Variants in LARS1 observed in about 807,000 individuals in gnomAD.
LARS1 encodes the protein leucyl-tRNA synthetase 1, also known as leucine--tRNA ligase, cytoplasmic.
In LARS1, 100 loss-of-function variants were observed where a neutral mutation model predicts 162.8. The ratio of observed to expected loss-of-function variants is 0.61; its 90% CI spans 0.52 to 0.73. The LOEUF (loss-of-function observed/expected upper bound fraction) is 0.73. LARS1 is among the 30% of genes least tolerant of loss of function. The pLI, the probability that LARS1 is intolerant of heterozygous loss-of-function variation, is 0.00. For missense variants in LARS1, 1,258 were observed against 1,408.9 expected, an observed-to-expected ratio of 0.89 and a Z score of 1.71; for synonymous variants, 457 against 462.8, an observed-to-expected ratio of 0.99 and a Z score of 0.16.
Position 146,172,692 on chromosome 5 carries a change from A to G in LARS1, c.208T>C (p.Cys70Arg). 2 of 1,562,278 alleles carry G rather than the reference A, an allele frequency of 1.3e-6. No individual in the cohort carries two copies. The highest frequency in any genetic ancestry group is 1.7e-6 in the Non-Finnish European group (2 of 1,150,110). The change falls in exon 3 of 32, where the codon TGT (cysteine) becomes CGT (arginine). Residue 70 changes from cysteine (C) to arginine (R), a missense_variant. By Grantham distance (180) the Cys-to-Arg change is radical. Transcript: ENST00000394434. ...CAAACATAGGGAAACATTACCTCAC[A>G]TTTGGATAAAGAAAACGTGTGTCCC... ...HLGHTFSLSK[C>R]EFAVGYQRLK...
intron 1 of LARS1, chr5:146,181,125 G>C (rs571331304): frequency 6.6e-6 from 1 of 151,640 alleles, no homozygotes; most frequent in Non-Finnish European, 1.5e-5. Context: ...AGGCCGAGGC[G>C]GGCAGATCAC....
chr5:146,157,418 C>T lies in LARS1; in HGVS notation c.1050G>A (p.Lys350=). 1 of 1,613,808 alleles carries T rather than the reference C, an allele frequency of 6.2e-7. No individual in the cohort carries two copies. Among genetic ancestry groups the T allele is most frequent in the Non-Finnish European group, 8.5e-7 (1 of 1,179,924 alleles). Residue 350 remains lysine (K), a synonymous_variant, in exon 10 of 32, where the codon AAG becomes AAA. Transcript: ENST00000394434. ...TKDNGVVPVV[K]ELMGEEILGA... ...TCCAACTTACCTCCCCCATTAATTC[C>T]TTAACAACAGGCACCACGCCATTGT... is the stretch of plus-strand genomic sequence containing the variant.
At chr5:146,144,803 C>G (rs2126487083) in intron 15 of LARS1, 94 bp from the exon 16 acceptor site, 10 of 1,081,380 alleles carry the variant, frequency 9.2e-6, no homozygotes, top group Non-Finnish European at 1.2e-5. Flanking sequence ...TGCTATACCA[C>G]CAATAACTGA....
rs896145278 is a variant in LARS1 at position 146,157,723 on chromosome 5, C to A, written c.839+5G>T. On this transcript the variant is annotated splice_donor_5th_base_variant and intron_variant, in intron 9 of 31. Transcript: ENST00000394434. ...ATGATAAAGCAATTACTCTGGCAAA[C>A]CTACCTTAATTTAGATGGGTATGGC... 2.5e-6 allele frequency: 4 copies of A among 1,613,910 alleles called. No homozygotes were observed. The African/African-American group carries it at 5.3e-5, about 22-fold the overall frequency.
intron 5 of LARS1, 67 bp from the exon 6 acceptor site, chr5:146,164,538 A>T (rs1753916668): frequency 5.6e-6 from 8 of 1,428,048 alleles, no homozygotes; most frequent in Non-Finnish European, 7.8e-6. Context: ...ATGACCCAAG[A>T]TATTAATGAA....
chr5:146,166,262 GATGAGGGA>G (rs1381191334), intron 5 of LARS1, among the ~76,000 whole-genome samples: 1 of 152,172 alleles, frequency 6.6e-6, no homozygotes, highest in Non-Finnish European at 1.5e-5. Context: ...AACAAAGGAA[GATGAGGGA>G]ATGTCTAATG....
Position 146,168,194 on chromosome 5 carries a change from C to T in LARS1, c.366G>A (p.Glu122=), listed in dbSNP as rs759740812. The stretch of plus-strand genomic sequence containing the variant: ...TTTTAACACTGGTTTCTTCCTCTTC[C>T]TCTTCTTCATCTGGAAAATCAGGGG... ...GCPPDFPDEE[E]EEEETSVKTE... The change falls in exon 5 of 32, where the codon GAG becomes GAA. Residue 122 remains glutamate, a synonymous_variant. Coordinates refer to ENST00000394434, the MANE Select transcript of LARS1 (RefSeq NM_020117.11). 1.1e-5 allele frequency: 18 copies of T among 1,612,602 alleles called. 1 individual carries two copies. The South Asian group carries it at 1.9e-4, about 17-fold the overall frequency.
intron 31 of LARS1, among the ~76,000 whole-genome samples, chr5:146,116,544 T>C (rs1764220599): frequency 6.6e-6 from 1 of 152,250 alleles, no homozygotes; most frequent in Non-Finnish European, 1.5e-5. Context: ...GCTTTCTTAC[T>C]GGTTTAACTG....
rs762241526 is a variant in LARS1 at position 146,144,513 on chromosome 5, A to G, written c.1614T>C (p.Asn538=). The change falls in exon 17 of 32, where the codon AAT becomes AAC. Residue 538 remains asparagine (N), a synonymous_variant. Coordinates refer to ENST00000394434, the MANE Select transcript of LARS1 (RefSeq NM_020117.11). ...DQWYLDYGEE[N]WKKQTSQCLK... Reference sequence around the variant, plus strand: ...AGCACTGAGATGTCTGTTTCTTCCAATTCTCTTCTCCATAATCCAAGTACC... The same window carrying G: ...AGCACTGAGATGTCTGTTTCTTCCAGTTCTCTTCTCCATAATCCAAGTACC... 7 of 1,613,702 alleles carry G rather than the reference A, an allele frequency of 4.3e-6. No individual in the cohort carries two copies. The highest frequency in any genetic ancestry group is 1.3e-5 in the African/African-American group (1 of 74,930).
chr5:146,134,764 C>A (rs1028760132), intron 22 of LARS1, among the ~76,000 whole-genome samples: 9 of 152,188 alleles, frequency 5.9e-5, no homozygotes, highest in Non-Finnish European at 1.3e-4. Flanking sequence ...GCCTGGCCAA[C>A]AAGGCAAAAC....
At chr5:146,180,188 T>C (rs1754770618) in intron 1 of LARS1, among the ~76,000 whole-genome samples, 1 of 152,186 alleles carries the variant, frequency 6.6e-6, no homozygotes, top group Non-Finnish European at 1.5e-5. Context: ...TGAGCTATGA[T>C]TGCACTACTG....
intron 1 of LARS1, among the ~76,000 whole-genome samples, chr5:146,178,116 A>T (rs1561501977): frequency 6.6e-6 from 1 of 152,136 alleles, no homozygotes; most frequent in Non-Finnish European, 1.5e-5. Context: ...AATTAGGATT[A>T]TCATGACCTG....
At chr5:146,137,173 T>C (rs776902224) in intron 21 of LARS1, among the ~76,000 whole-genome samples, 11 of 152,192 alleles carry the variant, frequency 7.2e-5, no homozygotes, top group Non-Finnish European at 1.5e-4. Context: ...GCTGGGATTA[T>C]AGGCGTGAGT....
At chr5:146,157,921 G>A in intron 8 of LARS1, 126 bp from the exon 9 acceptor site, 3 of 862,946 alleles carry the variant, frequency 3.5e-6, no homozygotes, top group South Asian at 3.2e-5. Flanking sequence ...TTTTTTTGCA[G>A]AGAAGAGATT....
intron 18 of LARS1, 26 bp from the exon 19 acceptor site, chr5:146,143,576 G>T: frequency 6.2e-7 from 1 of 1,608,480 alleles, no homozygotes; most frequent in Non-Finnish European, 8.5e-7. Context: ...TAACGCATGA[G>T]GAACCTGAGA....
intron 10 of LARS1, among the ~76,000 whole-genome samples, chr5:146,156,454 G>C (rs1753532707): frequency 6.6e-6 from 1 of 152,154 alleles, no homozygotes; most frequent in Non-Finnish European, 1.5e-5. Flanking sequence ...TGCACTTTGG[G>C]AGGCCGAGGT....
At position 146,164,327 on chromosome 5, in the gene LARS1, T is replaced by G. The variant is rs745520098; in HGVS notation, c.577A>C (p.Lys193Gln). Reference sequence around the variant, plus strand: ...AGACATACCTTCAAACCCATTCTTTTTAAATCCTGAATAGCCAGTGGCGGG... The same window carrying G: ...AGACATACCTTCAAACCCATTCTTTGTAAATCCTGAATAGCCAGTGGCGGG... ...YFPPLAIQDL[K>Q]RMGLKVDWRR... The change falls in exon 6 of 32, where the codon AAA (lysine) becomes CAA (glutamine). Residue 193 changes from lysine (K) to glutamine (Q), a missense_variant. Transcript: ENST00000394434. The G allele has an allele frequency of 3.1e-6, 5 of 1,613,984 alleles. No homozygotes were observed. The highest frequency in any genetic ancestry group is 1.3e-5 in the African/African-American group (1 of 74,938).
rs1478413148 is a variant in LARS1 at position 146,160,464 on chromosome 5, A to G, written c.617T>C (p.Ile206Thr). ...GLKVDWRRSF[I>T]TTDVNPYYDS... is the part of the protein sequence containing the mutation. ...ATAGTAAGGATTAACATCAGTGGTGATGAAGGAACGACGCCAGTCTACCTA... is the reference window on the plus strand; with the variant it reads ...ATAGTAAGGATTAACATCAGTGGTGGTGAAGGAACGACGCCAGTCTACCTA... Residue 206 changes from isoleucine (I) to threonine (T), a missense_variant, in exon 7 of 32, where the codon ATC becomes ACC. Physicochemically the swap from Ile to Thr is moderately conservative, Grantham distance 89. Transcript: ENST00000394434. 3 of 1,560,170 alleles carry G rather than the reference A, an allele frequency of 1.9e-6. No individual in the cohort carries two copies. The highest frequency in any genetic ancestry group is 1.7e-6 in the Non-Finnish European group (2 of 1,156,710).
At chr5:146,161,164 C>T (rs1265661130) in intron 6 of LARS1, among the ~76,000 whole-genome samples, 2 of 152,084 alleles carry the variant, frequency 1.3e-5, no homozygotes, top group East Asian at 3.8e-4. Flanking sequence ...ATGTATATAC[C>T]TTAATTTTAA....
Sources: allele counts gnomAD v4.1 joint callset (sites outside exome capture counted in the v4.1 genomes callset), GRCh38; gene constraint gnomAD v4.1.1; transcripts MANE v1.5; gene names NCBI Gene and HGNC (gene_info 2026-07-23, HGNC 2026-07-21).